Variants in UGGT1 observed in about 807,000 individuals in gnomAD.
The protein encoded by UGGT1 is UDP-glucose:glycoprotein glucosyltransferase 1.
UGGT1 carries 107 observed loss-of-function variants against 203.9 expected under a neutral mutation model. That is an observed-to-expected ratio of 0.52 (90% CI 0.45 to 0.62). The LOEUF (loss-of-function observed/expected upper bound fraction) is 0.62, where lower values mean the gene tolerates loss of function less well. Among genes scored for constraint, UGGT1 ranks in the 20% least tolerant of loss-of-function variants. UGGT1 has a pLI of 0.00. For missense variants in UGGT1, 1,673 were observed against 1,867.2 expected, an observed-to-expected ratio of 0.90 and a Z score of 1.92; for synonymous variants, 628 against 653.5, an observed-to-expected ratio of 0.96 and a Z score of 0.59.
intron 5 of UGGT1, among the ~76,000 whole-genome samples, chr2:128,110,332 C>T (rs931150772): frequency 5.9e-5 from 9 of 152,260 alleles, no homozygotes; most frequent in South Asian, 4.1e-4. Context: ...GTGATCTCTC[C>T]GTGGGGTTGG....
intron 18 of UGGT1, among the ~76,000 whole-genome samples, chr2:128,146,422 G>A (rs1435031824): frequency 2.0e-5 from 3 of 151,884 alleles, no homozygotes; most frequent in Admixed American, 2.0e-4. Flanking sequence ...TTCTATATAT[G>A]GTAATTTAAA....
intron 19 of UGGT1, among the ~76,000 whole-genome samples, chr2:128,154,630 G>A (rs761375794): frequency 1.3e-5 from 2 of 152,164 alleles, no homozygotes; most frequent in African/African-American, 2.4e-5. Context: ...ATCATGGACC[G>A]TGTGTGACTT....
chr2:128,129,545 C>A (rs1030509298), intron 13 of UGGT1, among the ~76,000 whole-genome samples: 1 of 152,008 alleles, frequency 6.6e-6, no homozygotes, highest in Non-Finnish European at 1.5e-5. Flanking sequence ...ATTACAGGAG[C>A]CTGCCACCAC....
chr2:128,133,085 AG>A, intron 13 of UGGT1, 55 bp from the exon 14 acceptor site: 1 of 1,585,324 alleles, frequency 6.3e-7, no homozygotes, highest in Non-Finnish European at 8.6e-7. Flanking sequence ...ATATTATTGC[AG>A]GTTTTACTAA....
intron 40 of UGGT1, among the ~76,000 whole-genome samples, chr2:128,189,219 G>A (rs1232622881): frequency 6.6e-6 from 1 of 152,178 alleles, no homozygotes; most frequent in Non-Finnish European, 1.5e-5. Flanking sequence ...TTAGAAGCCC[G>A]TAAGGCGTTT....
chr2:128,106,313 ATAATAT>A (rs1478370528), intron 3 of UGGT1, among the ~76,000 whole-genome samples: 2 of 152,178 alleles, frequency 1.3e-5, no homozygotes, highest in African/African-American at 2.4e-5. Flanking sequence ...AGTAAAAATG[ATAATAT>A]TAATTAAAGC....
At chr2:128,134,817 C>A in intron 14 of UGGT1, 59 bp from the exon 15 acceptor site, 1 of 1,492,612 alleles carries the variant, frequency 6.7e-7, no homozygotes, top group Non-Finnish European at 9.3e-7. Flanking sequence ...ACATTTTTCT[C>A]GGCCCACAGA....
rs760837468 is a variant in UGGT1, at chr2:128,194,762, T to C, written c.*5020T>C. On this transcript the variant is annotated 3_prime_UTR_variant, in exon 41 of 41. Coordinates refer to ENST00000259253, the MANE Select transcript of UGGT1 (RefSeq NM_020120.4). ...ATCAGTATTTTGGTAATTAACTGAT[T>C]GAATTCAAGCAAATGAGACATCATG... The C allele has an allele frequency of 1.3e-5, 2 of 152,168 alleles. No homozygotes were observed. The highest frequency in any genetic ancestry group is 2.9e-5 in the Non-Finnish European group (2 of 68,032). The allele number at this position is 152,168 out of a possible 1,614,324, so 9.4% of individuals were successfully genotyped here. A position where few individuals can be genotyped will look rare whatever the true frequency, so the allele number is the denominator to read the frequency against.
chr2:128,123,330 CAG>C, intron 11 of UGGT1, 84 bp downstream of exon 11: 1 of 1,076,418 alleles, frequency 9.3e-7, no homozygotes, highest in South Asian at 1.5e-5. Context: ...CAGCATTTAA[CAG>C]TGTCACTCTT....
intron 2 of UGGT1, among the ~76,000 whole-genome samples, chr2:128,100,031 CCCT>C (rs1359554625): frequency 0.011 from 563 of 49,684 alleles, 40 homozygotes; most frequent in Middle Eastern, 0.03. Context: ...CCCCCCCCCA[CCCT>C]ACTTATTTTT....
At chr2:128,097,646 A>G in intron 2 of UGGT1, 82 bp downstream of exon 2, 1 of 1,526,790 alleles carries the variant, frequency 6.5e-7, no homozygotes, top group Non-Finnish European at 8.9e-7. Flanking sequence ...CTTTTTAAGG[A>G]GTGAGATTAT....
Position 128,145,922 on chromosome 2 carries a change from T to G in UGGT1, c.1971T>G (p.His657Gln). ...DPDELETITMHKILETTTFFQ... is the reference protein window; with the variant it reads ...DPDELETITMQKILETTTFFQ... ...ATGAGTTAGAAACCATCACAATGCA[T>G]AAAATCCTGGAGACCACCACCTTCT... Residue 657 changes from histidine to glutamine, a missense_variant, in exon 18 of 41, where the codon CAT becomes CAG. By Grantham distance (24) the His-to-Gln change is conservative. Coordinates refer to ENST00000259253, the MANE Select transcript of UGGT1 (RefSeq NM_020120.4). The G allele has an allele frequency of 6.2e-7, 1 of 1,614,084 alleles. No homozygotes were observed. Among genetic ancestry groups the G allele is most frequent in the Non-Finnish European group, 8.5e-7 (1 of 1,179,996 alleles).
chr2:128,162,237 G>C (rs1690562583), intron 25 of UGGT1, among the ~76,000 whole-genome samples: 1 of 150,930 alleles, frequency 6.6e-6, no homozygotes, highest in Non-Finnish European at 1.5e-5. Context: ...TTGTCGTTGA[G>C]ATGTAGCAGT....
intron 5 of UGGT1, 58 bp from the exon 6 acceptor site, chr2:128,113,026 C>A: frequency 7.2e-7 from 1 of 1,383,640 alleles, no homozygotes; most frequent in African/African-American, 1.5e-5. Context: ...TATTTTGTGA[C>A]ATTTTTAGTG....
In UGGT1 at chr2:128,173,482, C is replaced by T. The variant is rs190197955; in HGVS notation, c.3295-299C>T. Among the ~76,000 whole-genome samples the T allele has an allele frequency of 6.6e-5, 10 of 152,010 alleles. No individual in the cohort carries two copies. The East Asian group carries it at 1.9e-3, about 29-fold the overall frequency. On this transcript the variant is annotated intron_variant, in intron 29 of 40. Coordinates refer to ENST00000259253, the MANE Select transcript of UGGT1 (RefSeq NM_020120.4). Reference sequence around the variant, plus strand: ...TTTTTTTCTCCTTTCTCTTTCCAACCTAGTTTTTATAATTGTATACAGTCA... The same window carrying T: ...TTTTTTTCTCCTTTCTCTTTCCAACTTAGTTTTTATAATTGTATACAGTCA...
At chr2:128,125,572 T>G (rs1290535205) in intron 11 of UGGT1, among the ~76,000 whole-genome samples, 3 of 152,134 alleles carry the variant, frequency 2.0e-5, no homozygotes, top group Non-Finnish European at 4.4e-5. Flanking sequence ...TCTTTCCTGT[T>G]CTCTTTGTCT....
intron 1 of UGGT1, among the ~76,000 whole-genome samples, chr2:128,093,303 C>G (rs1350591301): frequency 1.3e-5 from 2 of 152,142 alleles, no homozygotes; most frequent in African/African-American, 4.8e-5. Context: ...ATAGCATCTT[C>G]ACTCTTGGTG....
chr2:128,127,224 T>C (rs1688647693), intron 11 of UGGT1, 137 bp from the exon 12 acceptor site: 1 of 633,774 alleles, frequency 1.6e-6, no homozygotes, highest in Admixed American at 2.9e-5. Context: ...TGCCATTGAA[T>C]CCCAACAGCA....
chr2:128,111,943 A>G (rs1687875735), intron 5 of UGGT1, among the ~76,000 whole-genome samples: 1 of 151,620 alleles, frequency 6.6e-6, no homozygotes. Flanking sequence ...GTTTGAGACC[A>G]GCCTGGGCAA....
Sources: gnomAD v4.1 joint callset for allele counts (sites outside exome capture counted in the v4.1 genomes callset) on GRCh38, gnomAD v4.1.1 for gene constraint, MANE v1.5 for transcripts, NCBI Gene and HGNC (gene_info 2026-07-23, HGNC 2026-07-21) for gene names.